Variants in WDR25 observed in about 807,000 individuals in gnomAD.
WDR25 encodes the protein WD repeat-containing protein 25.
In WDR25, 35 loss-of-function variants were observed where a neutral mutation model predicts 47.7. The ratio of observed to expected loss-of-function variants is 0.73; its 90% CI spans 0.56 to 0.97. WDR25 has a LOEUF of 0.97. Ranked by LOEUF, WDR25 falls within the 50% of genes least tolerant of loss-of-function variation. The pLI, the probability that WDR25 is intolerant of heterozygous loss-of-function variation, is 0.00. For synonymous variants in WDR25, 248 were observed against 278.9 expected (o/e 0.89, Z 1.10); for missense variants, 634 against 704.7 (o/e 0.90, Z 1.14).
chr14:100,395,135 G>A (rs529984777), intron 2 of WDR25, among the ~76,000 whole-genome samples: 14 of 152,296 alleles, frequency 9.2e-5, no homozygotes, highest in Admixed American at 5.2e-4. Flanking sequence ...GCCAGATGGC[G>A]CTTCCTGTAC....
Position 100,404,560 on chromosome 14 carries a change from C to T in WDR25, c.822+22814C>T, listed in dbSNP as rs1179158530. On this transcript the variant is annotated intron_variant, in intron 2 of 6. Coordinates refer to ENST00000402312, the MANE Select transcript of WDR25 (RefSeq NM_001161476.3). The surrounding 1 kb of genome is among the most constrained non-coding windows in gnomAD (Gnocchi z 4.6). ...TGTGGGCTGCGTGGGCCAGGAGGGT[C>T]AGCAGGCCCTTGGGGGAAGTGCAAA... Among the ~76,000 whole-genome samples, 4 of 152,204 alleles carry T rather than the reference C, an allele frequency of 2.6e-5. No individual in the cohort carries two copies. The highest frequency in any genetic ancestry group is 2.9e-5 in the Non-Finnish European group (2 of 68,030).
In WDR25 at chr14:100,530,206, C is replaced by T. The variant is rs1437010516; in HGVS notation, c.*165C>T. The T allele has an allele frequency of 5.4e-6, 4 of 736,750 alleles. 1 individual carries two copies. The highest frequency in any genetic ancestry group is 5.5e-5 in the East Asian group (2 of 36,488). The allele number at this position is 736,750 out of a possible 1,614,324, so 45.6% of individuals were successfully genotyped here. On this transcript the variant is annotated 3_prime_UTR_variant, in exon 7 of 7. Transcript: ENST00000402312. ...AAAGTGGGGAGAAAAGTCTGTTTGC[C>T]TCAGGAGTGTGAGGACTACACTAGT...
Position 100,430,617 on chromosome 14 carries a change from G to A in WDR25, c.823-37404G>A, listed in dbSNP as rs771923063. ...CTCGTACCTTATGCCAGGCAGGACT[G>A]TGGTCCCTGTTTGCAGATGAGGACA... On this transcript the variant is annotated intron_variant, in intron 2 of 6. Coordinates refer to ENST00000402312, the MANE Select transcript of WDR25 (RefSeq NM_001161476.3). The surrounding 1 kb of genome is among the most constrained non-coding windows in gnomAD (Gnocchi z 4.7). 6.6e-6 allele frequency among the ~76,000 whole-genome samples: 1 copy of A among 152,174 alleles called. No homozygotes were observed. The highest frequency in any genetic ancestry group is 1.5e-5 in the Non-Finnish European group (1 of 68,036).
rs1036433377 is a variant in WDR25 at position 100,504,004 on chromosome 14, A to G, written c.1101+19880A>G. ...ATTAATGAACCTTTATGCAACCAGC[A>G]TCCTGTTTTAACAATTATAAAATTA... is the stretch of plus-strand genomic sequence containing the variant. On this transcript the variant is annotated intron_variant, in intron 4 of 6. Transcript: ENST00000402312. Among the ~76,000 whole-genome samples, 29 of 152,242 alleles carry G rather than the reference A, an allele frequency of 1.9e-4. 2 individuals carry two copies.
intron 2 of WDR25, among the ~76,000 whole-genome samples, chr14:100,414,313 C>CTTTTTTTTTT (rs1202018412): frequency 9.7e-6 from 1 of 102,852 alleles, no homozygotes; most frequent in African/African-American, 3.8e-5. Flanking sequence ...AGAGGTAGTT[C>CTTTTTTTTTT]TTTTTTTTTT....
chr14:100,464,129 C>T (rs2140289689), intron 2 of WDR25, among the ~76,000 whole-genome samples: 1 of 152,338 alleles, frequency 6.6e-6, no homozygotes, highest in South Asian at 2.1e-4. Flanking sequence ...TACCACCTCC[C>T]TGCCAACCCC....
intron 4 of WDR25, among the ~76,000 whole-genome samples, chr14:100,495,176 G>A (rs973265534): frequency 5.3e-5 from 8 of 152,130 alleles, no homozygotes; most frequent in Non-Finnish European, 1.0e-4. Flanking sequence ...TCAACATGGT[G>A]AAACTCTGTC....
At chr14:100,456,478 A>G (rs1899207239) in intron 2 of WDR25, among the ~76,000 whole-genome samples, 1 of 152,242 alleles carries the variant, frequency 6.6e-6, no homozygotes, top group Admixed American at 6.5e-5. Context: ...GAACTGTTCA[A>G]CCAACTATTA....
intron 2 of WDR25, among the ~76,000 whole-genome samples, chr14:100,387,438 G>A (rs991383605): frequency 1.3e-5 from 2 of 152,162 alleles, no homozygotes; most frequent in Admixed American, 6.5e-5. Context: ...CCCTTTTCAT[G>A]TACTGAACAC....
chr14:100,396,975 A>G (rs1193774955), intron 2 of WDR25, among the ~76,000 whole-genome samples: 1 of 152,184 alleles, frequency 6.6e-6, no homozygotes, highest in Admixed American at 6.5e-5. Flanking sequence ...TGAATGTTGT[A>G]TTTCTCAAAT....
intron 4 of WDR25, among the ~76,000 whole-genome samples, chr14:100,513,644 A>G (rs150183365): frequency 1.4e-3 from 218 of 150,446 alleles, no homozygotes; most frequent in African/African-American, 5.1e-3. Flanking sequence ...TAGGATTATC[A>G]TGTTCTCCTA....
intron 1 of WDR25, chr14:100,376,753 C>T: frequency 8.1e-7 from 1 of 1,229,618 alleles, no homozygotes; most frequent in Non-Finnish European, 1.0e-6. Flanking sequence ...CCGGGGGGAT[C>T]TGTGTTTTGT....
chr14:100,423,930 C>G (rs368816049), intron 2 of WDR25, among the ~76,000 whole-genome samples: 1 of 152,170 alleles, frequency 6.6e-6, no homozygotes, highest in Admixed American at 6.5e-5. Flanking sequence ...GCACTGCTGT[C>G]CATACCTTAT....
At position 100,526,027 on chromosome 14, in the gene WDR25, A is replaced by G; in HGVS notation, c.1259A>G (p.Asn420Ser). 1.2e-6 allele frequency: 2 copies of G among 1,614,060 alleles called. No homozygotes were observed. Among genetic ancestry groups the G allele is most frequent in the Non-Finnish European group, 1.7e-6 (2 of 1,179,962 alleles). Residue 420 changes from asparagine to serine, a missense_variant, in exon 5 of 7, where the codon AAC (asparagine) becomes AGC (serine). Physicochemically the swap from Asn to Ser is conservative, Grantham distance 46 (BLOSUM62 1). Transcript: ENST00000402312. The stretch of plus-strand genomic sequence containing the variant: ...TTCCGGACCTCTGCCAAAATCTCCA[A>G]CCAGATTTTCCACGTAAGAAATCCC... ...WDFRTSAKIS[N>S]QIFHERFTCP...
rs560508765 is a variant in WDR25 at position 100,424,374 on chromosome 14, G to A, written c.822+42628G>A. Among the ~76,000 whole-genome samples the A allele has an allele frequency of 1.3e-4, 20 of 152,308 alleles. No homozygotes were observed. The highest frequency in any genetic ancestry group is 1.0e-3 in the South Asian group (5 of 4,832). The stretch of plus-strand genomic sequence containing the variant: ...TTGCATCCCGTGTAAACAAACATCA[G>A]CACCTGTTATCCTAATTAAACCTCA... On this transcript the variant is annotated intron_variant, in intron 2 of 6. Coordinates refer to ENST00000402312, the MANE Select transcript of WDR25 (RefSeq NM_001161476.3). The surrounding 1 kb of genome is among the most constrained non-coding windows in gnomAD (Gnocchi z 4.2).
At chr14:100,380,798 T>C in intron 1 of WDR25, 112 bp from the exon 2 acceptor site, 1 of 1,047,988 alleles carries the variant, frequency 9.5e-7, no homozygotes, top group South Asian at 1.7e-5. Flanking sequence ...CTGGCCTGTG[T>C]TTATTCTTAT....
rs201819625 is a variant in WDR25, at chr14:100,529,047, T to A, written c.1273-21T>A. On this transcript the variant is annotated intron_variant, in intron 5 of 6. Coordinates refer to ENST00000402312, the MANE Select transcript of WDR25 (RefSeq NM_001161476.3). This position sits in a 1 kb window ranked among gnomAD's most constrained non-coding sequence, Gnocchi z 5.1. ...GTTGGGGGTGTCTTCTCTGACCCAT[T>A]TGTGGCTCTGCTGTTCTCAGGAGAG... is the stretch of plus-strand genomic sequence containing the variant. 3 of 1,516,298 alleles carry A rather than the reference T, an allele frequency of 2.0e-6. No individual in the cohort carries two copies. The African/African-American group carries it at 4.2e-5, about 21-fold the overall frequency. 93.9% of individuals were successfully genotyped at this position (1,516,298 alleles called of 1,614,324 possible).
chr14:100,483,352 G>T, intron 3 of WDR25, among the ~76,000 whole-genome samples: 1 of 152,162 alleles, frequency 6.6e-6, no homozygotes, highest in East Asian at 1.9e-4. Flanking sequence ...TATTTATAAA[G>T]GACAAGGACT....
rs1206174812 is a variant in WDR25 at position 100,407,228 on chromosome 14, GA to G, written c.822+25486del. On this transcript the variant is annotated intron_variant, in intron 2 of 6. Transcript: ENST00000402312. The surrounding 1 kb of genome is among the most constrained non-coding windows in gnomAD (Gnocchi z 4.1). Reference sequence around the variant, plus strand: ...AATTTGCATTGTGTCCTATATTCCTGAAAAGTTGCTTTCAGATTCTTATTGA... The same window carrying G: ...AATTTGCATTGTGTCCTATATTCCTGAAAGTTGCTTTCAGATTCTTATTGA... 6.6e-6 allele frequency: 1 copy of G among 152,208 alleles called. No individual in the cohort carries two copies. The highest frequency in any genetic ancestry group is 1.5e-5 in the Non-Finnish European group (1 of 68,028). 9.4% of individuals were successfully genotyped at this position (152,208 alleles called of 1,614,324 possible). A position where few individuals can be genotyped will look rare whatever the true frequency, so the allele number is the denominator to read the frequency against.
Sources: allele counts gnomAD v4.1 joint callset (sites outside exome capture counted in the v4.1 genomes callset), GRCh38; gene constraint gnomAD v4.1.1; non-coding constraint Gnocchi (gnomAD v3.1); transcripts MANE v1.5; gene names NCBI Gene and HGNC (gene_info 2026-07-23, HGNC 2026-07-21).